Variants in ZNF438 observed in about 807,000 individuals in gnomAD.
ZNF438 encodes the protein zinc finger protein 438.
A neutral mutation model predicts 38.0 loss-of-function variants in ZNF438; 25 were observed. The observed-to-expected ratio is 0.66, with a 90% CI of 0.48 to 0.92. ZNF438 has a LOEUF of 0.92. Among genes scored for constraint, ZNF438 ranks in the 40% least tolerant of loss-of-function variants. The pLI is 0.00. For synonymous variants in ZNF438, 372 were observed against 364.1 expected, an observed-to-expected ratio of 1.02 and a Z score of -0.25; for missense variants, 1,007 against 999.6, an observed-to-expected ratio of 1.01 and a Z score of -0.10.
intron 3 of ZNF438, among the ~76,000 whole-genome samples, chr10:30,891,928 T>C (rs1345804574): frequency 6.6e-6 from 1 of 152,206 alleles, no homozygotes; most frequent in African/African-American, 2.4e-5. Context: ...CCAGTGAAGT[T>C]ACCAACACAA....
rs371606460 is a variant in ZNF438 at position 30,934,028 on chromosome 10, C to A, written c.-115+7547G>T. On this transcript the variant is annotated intron_variant, in intron 2 of 5. Transcript: ENST00000413025. ...GGGTGTGGTGGCGGGTGCCTGTAGT[C>A]CCAGCTACTCGGGAGGCTGAGGCAA... 3.3e-5 allele frequency among the ~76,000 whole-genome samples: 5 copies of A among 152,074 alleles called. No individual in the cohort carries two copies. The East Asian group carries it at 9.7e-4, about 29-fold the overall frequency.
At chr10:30,979,831 A>G (rs2051900188) in intron 1 of ZNF438, among the ~76,000 whole-genome samples, 1 of 152,202 alleles carries the variant, frequency 6.6e-6, no homozygotes, top group South Asian at 2.1e-4. Flanking sequence ...GATTCTAGCT[A>G]TGACTTTCTG....
At chr10:30,933,639 T>G (rs958153032) in intron 2 of ZNF438, among the ~76,000 whole-genome samples, 11 of 151,988 alleles carry the variant, frequency 7.2e-5, no homozygotes, top group Non-Finnish European at 1.5e-4. Flanking sequence ...ATAATTAAAA[T>G]AAAAAACATT....
chr10:30,964,102 A>G (rs1456222192), intron 1 of ZNF438, among the ~76,000 whole-genome samples: 1 of 152,200 alleles, frequency 6.6e-6, no homozygotes, highest in Non-Finnish European at 1.5e-5. Context: ...GGAGAAAATA[A>G]GGAACAAATA....
chr10:30,864,969 C>G (rs1032431651), intron 4 of ZNF438, among the ~76,000 whole-genome samples: 2 of 152,216 alleles, frequency 1.3e-5, no homozygotes, highest in African/African-American at 4.8e-5. Context: ...AACAACACTT[C>G]TTGCAAGATC....
At chr10:30,851,414 T>C (rs1001989023) in intron 4 of ZNF438, among the ~76,000 whole-genome samples, 19 of 152,250 alleles carry the variant, frequency 1.2e-4, no homozygotes, top group African/African-American at 4.3e-4. Context: ...AAGTATCTCA[T>C]ATTAATCAAA....
chr10:31,014,620 C>T (rs1334959768), intron 1 of ZNF438, among the ~76,000 whole-genome samples: 4 of 151,912 alleles, frequency 2.6e-5, no homozygotes, highest in African/African-American at 7.3e-5. Flanking sequence ...TAAAGCCTAG[C>T]GAGAATCTAC....
chr10:30,914,312 G>A (rs1476896836), intron 2 of ZNF438, among the ~76,000 whole-genome samples: 1 of 152,010 alleles, frequency 6.6e-6, no homozygotes, highest in Non-Finnish European at 1.5e-5. Flanking sequence ...TTAGGGACAG[G>A]GGTGGGAAGT....
intron 1 of ZNF438, among the ~76,000 whole-genome samples, chr10:31,000,302 T>C (rs919224136): frequency 6.6e-6 from 1 of 152,222 alleles, no homozygotes; most frequent in Admixed American, 6.5e-5. Context: ...TTGTTAATTA[T>C]TCACTGGACC....
chr10:30,951,931 C>T (rs1186007305), intron 1 of ZNF438, among the ~76,000 whole-genome samples: 1 of 151,600 alleles, frequency 6.6e-6, no homozygotes, highest in Non-Finnish European at 1.5e-5. Context: ...AAAAAAGAGC[C>T]CGCATTGCCA....
chr10:30,968,080 C>T (rs953817873), intron 1 of ZNF438, among the ~76,000 whole-genome samples: 4 of 152,256 alleles, frequency 2.6e-5, no homozygotes, highest in South Asian at 2.1e-4. Context: ...CATGCTGTTC[C>T]GCAAAACAGC....
At chr10:30,925,895 T>A (rs909218346) in intron 2 of ZNF438, among the ~76,000 whole-genome samples, 3 of 152,174 alleles carry the variant, frequency 2.0e-5, no homozygotes, top group Non-Finnish European at 4.4e-5. Context: ...ACATTTATCA[T>A]AATAGCTGGC....
intron 1 of ZNF438, among the ~76,000 whole-genome samples, chr10:31,014,947 T>C (rs1415139335): frequency 6.6e-6 from 1 of 151,990 alleles, no homozygotes; most frequent in Non-Finnish European, 1.5e-5. Flanking sequence ...TAACTCCAAC[T>C]CCTGAGCTGA....
chr10:30,862,660 G>C (rs970831268), intron 4 of ZNF438, among the ~76,000 whole-genome samples: 1 of 152,204 alleles, frequency 6.6e-6, no homozygotes, highest in Non-Finnish European at 1.5e-5. Flanking sequence ...TGACTAACAA[G>C]ATGACAGTTG....
chr10:30,997,518 G>A lies in ZNF438; in HGVS notation c.-192+34315C>T, dbSNP rs564951075. Among the ~76,000 whole-genome samples the A allele has an allele frequency of 1.9e-4, 29 of 151,928 alleles. 1 individual carries two copies. The South Asian group carries it at 4.0e-3, about 21-fold the overall frequency. On this transcript the variant is annotated intron_variant, in intron 1 of 5. Coordinates refer to ENST00000413025, the Ensembl canonical transcript of ZNF438. ...CAAATAAATTGGCCTTGGAAGATAC[G>A]GCAGACACTAGTGGTTGCCTACCTA...
intron 3 of ZNF438, among the ~76,000 whole-genome samples, chr10:30,897,862 G>A (rs7475857): frequency 0.054 from 8,236 of 152,150 alleles, 713 homozygotes; most frequent in African/African-American, 0.19. Flanking sequence ...GATCTAAACC[G>A]CTGACAGAGA....
At chr10:30,851,209 G>C (rs959674827) in intron 4 of ZNF438, among the ~76,000 whole-genome samples, 2 of 152,180 alleles carry the variant, frequency 1.3e-5, no homozygotes, top group African/African-American at 4.8e-5. Context: ...GATACTAATA[G>C]GAACAATTTT....
chr10:31,012,630 A>T (rs1204054338), intron 1 of ZNF438, among the ~76,000 whole-genome samples: 1 of 152,136 alleles, frequency 6.6e-6, no homozygotes, highest in African/African-American at 2.4e-5. Flanking sequence ...ACACACATTT[A>T]TTGAAGGAAT....
chr10:30,942,100 T>C (rs537450581), intron 1 of ZNF438, among the ~76,000 whole-genome samples: 17 of 152,246 alleles, frequency 1.1e-4, no homozygotes, highest in East Asian at 5.8e-4. Context: ...GTGCTACAAG[T>C]GACACAAGGC....
Sources: gnomAD v4.1 joint callset for allele counts (sites outside exome capture counted in the v4.1 genomes callset) on GRCh38, gnomAD v4.1.1 for gene constraint, MANE v1.5 for transcripts, NCBI Gene and HGNC (gene_info 2026-07-23, HGNC 2026-07-21) for gene names.